The following DOCK10 variants were observed in gnomAD, a reference collection of about 807,000 sequenced individuals.
DOCK10 encodes the protein dedicator of cytokinesis protein 10.
Under a neutral mutation model 280.1 loss-of-function variants are expected in DOCK10, and 145 were observed. The observed-to-expected ratio is 0.52, with a 90% CI of 0.45 to 0.59. The LOEUF (loss-of-function observed/expected upper bound fraction) is 0.59. Among genes scored for constraint, DOCK10 ranks in the 20% least tolerant of loss-of-function variants. The probability of loss-of-function intolerance (pLI) is 0.00; values close to 1 mark genes in which losing one functional copy is unlikely to be tolerated. For missense variants in DOCK10, 2,368 were observed against 2,651.7 expected (o/e 0.89, Z 2.35); for synonymous variants, 915 against 942.2 (o/e 0.97, Z 0.53).
At position 224,796,435 on chromosome 2, in the gene DOCK10, G is replaced by GA. The variant is rs1040348126; in HGVS notation, c.4828-10dup. On this transcript the variant is annotated splice_polypyrimidine_tract_variant and intron_variant, in intron 43 of 55. Transcript: ENST00000258390. ...CTCACAGCTTTGATGAGCTAGAAAA[G>GA]AAAAAAAATGAACTCTCAAAAACAA... is the stretch of plus-strand genomic sequence containing the variant. 3.4e-5 allele frequency: 52 copies of GA among 1,510,272 alleles called. No homozygotes were observed. The highest frequency in any genetic ancestry group is 4.1e-5 in the Non-Finnish European group (46 of 1,114,650). The allele number at this position is 1,510,272 out of a possible 1,614,324, so 93.6% of individuals were successfully genotyped here. A position where few individuals can be genotyped will look rare whatever the true frequency, so the allele number is the denominator to read the frequency against.
intron 19 of DOCK10, among the ~76,000 whole-genome samples, chr2:224,846,179 A>G (rs889977524): frequency 1.3e-5 from 2 of 152,224 alleles, no homozygotes; most frequent in Admixed American, 6.5e-5. Flanking sequence ...TAGAATACTT[A>G]GTGTTTCTCA....
At position 224,795,064 on chromosome 2, in the gene DOCK10, G is replaced by C. The variant is rs1692470587; in HGVS notation, c.4969C>G (p.Leu1657Val). The C allele has an allele frequency of 1.2e-6, 2 of 1,613,908 alleles. No individual in the cohort carries two copies. Among genetic ancestry groups the C allele is most frequent in the Non-Finnish European group, 1.7e-6 (2 of 1,179,856 alleles). Residue 1657 changes from leucine to valine, a missense_variant, in exon 45 of 56, where the codon CTG becomes GTG. Physicochemically the swap from Leu to Val is conservative, Grantham distance 32 (BLOSUM62 1). Coordinates refer to ENST00000258390, the MANE Select transcript of DOCK10 (RefSeq NM_014689.3). ...NSNFPAEVKD[L>V]TKRIRTVLMA... The stretch of plus-strand genomic sequence containing the variant: ...AAAACAGTCCTTATACGCTTAGTCA[G>C]GTCCTTCACCTCTGCTGGGAAATTG...
At chr2:224,868,539 C>T (rs1483540541) in intron 11 of DOCK10, among the ~76,000 whole-genome samples, 2 of 152,142 alleles carry the variant, frequency 1.3e-5, no homozygotes, top group Non-Finnish European at 2.9e-5. Context: ...TTTATTACTA[C>T]ACAGACTCAC....
At chr2:224,877,372 AAGGATTCAAT>A (rs1279212131) in intron 7 of DOCK10, among the ~76,000 whole-genome samples, 6 of 144,742 alleles carry the variant, frequency 4.1e-5, no homozygotes, top group African/African-American at 9.8e-5. Context: ...CGGACACTTG[AAGGATTCAAT>A]AGTGGTGGGT....
chr2:224,885,263 G>A (rs1169182439), intron 7 of DOCK10, among the ~76,000 whole-genome samples: 3 of 152,230 alleles, frequency 2.0e-5, no homozygotes, highest in Admixed American at 2.0e-4. Context: ...GCCTCCCAAA[G>A]TGTTGGGATT....
chr2:224,765,744 T>C lies in DOCK10; in HGVS notation c.6538A>G (p.Ile2180Val), dbSNP rs776398304. 1.9e-6 allele frequency: 3 copies of C among 1,613,638 alleles called. No individual in the cohort carries two copies. The East Asian group carries it at 6.7e-5, about 36-fold the overall frequency. Reference sequence around the variant, plus strand: ...CCTCAGACTTCAGCACTAGATGAGATGGAGACCGTGGGTAGGGCCGGAGTT... The same window carrying C: ...CCTCAGACTTCAGCACTAGATGAGACGGAGACCGTGGGTAGGGCCGGAGTT... ...KATPALPTVS[I>V]SSSAEV Residue 2180 changes from isoleucine (I) to valine (V), a missense_variant, in exon 56 of 56, where the codon ATC becomes GTC. Physicochemically the swap from Ile to Val is conservative, Grantham distance 29. This residue lies in a region of DOCK10 where 1,159 missense variants were observed against 1,400.8 expected (regional missense o/e 0.83). Coordinates refer to ENST00000258390, the MANE Select transcript of DOCK10 (RefSeq NM_014689.3).
In DOCK10 at chr2:224,813,971, G is replaced by A. The variant is rs77263909; in HGVS notation, c.3409+349C>T. 2.8e-4 allele frequency among the ~76,000 whole-genome samples: 42 copies of A among 152,268 alleles called. No homozygotes were observed. The East Asian group carries it at 7.9e-3, about 29-fold the overall frequency. On this transcript the variant is annotated intron_variant, in intron 31 of 55. Coordinates refer to ENST00000258390, the MANE Select transcript of DOCK10 (RefSeq NM_014689.3). The stretch of plus-strand genomic sequence containing the variant: ...TTAACAAGATTGATCAAACCAGGCT[G>A]TGGTTTAGCAAAAGACATACATCAT...
chr2:225,009,514 GA>G (rs1689372712), intron 1 of DOCK10, among the ~76,000 whole-genome samples: 1 of 152,112 alleles, frequency 6.6e-6, no homozygotes, highest in Non-Finnish European at 1.5e-5. Flanking sequence ...TAATCTCCCT[GA>G]GTGTCTCCCT....
chr2:224,872,432 T>C (rs937740446), intron 11 of DOCK10, among the ~76,000 whole-genome samples: 4 of 152,136 alleles, frequency 2.6e-5, no homozygotes, highest in African/African-American at 9.7e-5. Flanking sequence ...AACTTGTGAG[T>C]TGGAGAGCCA....
chr2:224,778,570 C>T (rs559464001), intron 50 of DOCK10, among the ~76,000 whole-genome samples: 28 of 152,238 alleles, frequency 1.8e-4, no homozygotes, highest in Admixed American at 1.8e-3. Context: ...ATGGTACTAC[C>T]TACTTGCATA....
chr2:224,845,711 C>A, intron 19 of DOCK10, 69 bp from the exon 20 acceptor site: 1 of 1,438,674 alleles, frequency 7.0e-7, no homozygotes, highest in South Asian at 1.3e-5. Context: ...CAAGACAAAG[C>A]ATAGCTTTTT....
intron 1 of DOCK10, among the ~76,000 whole-genome samples, chr2:224,973,794 C>G (rs1705236220): frequency 6.6e-6 from 1 of 152,146 alleles, no homozygotes; most frequent in South Asian, 2.1e-4. Context: ...ATTTAAATAG[C>G]TGACCCAGAG....
chr2:224,858,254 C>G (rs1484585286), intron 14 of DOCK10, among the ~76,000 whole-genome samples: 2 of 152,186 alleles, frequency 1.3e-5, no homozygotes, highest in Non-Finnish European at 2.9e-5. Flanking sequence ...ACAACTCTGT[C>G]ATGGAAATTG....
intron 47 of DOCK10, among the ~76,000 whole-genome samples, chr2:224,789,485 T>C (rs1691994758): frequency 6.6e-6 from 1 of 152,224 alleles, no homozygotes; most frequent in Non-Finnish European, 1.5e-5. Flanking sequence ...TGTCCCTCTC[T>C]TGTTAAACTG....
rs537241909 is a variant in DOCK10, at chr2:224,903,064, C to T, written c.334-6687G>A. On this transcript the variant is annotated intron_variant, in intron 3 of 55. Coordinates refer to ENST00000258390, the MANE Select transcript of DOCK10 (RefSeq NM_014689.3). ...AGTGAGCCGAGATTGCGCCACTGCTCTCCAGCCTGGGCGACAGAGCGAGAC... is the reference window on the plus strand; with the variant it reads ...AGTGAGCCGAGATTGCGCCACTGCTTTCCAGCCTGGGCGACAGAGCGAGAC... Among the ~76,000 whole-genome samples, 5 of 152,284 alleles carry T rather than the reference C, an allele frequency of 3.3e-5. No individual in the cohort carries two copies. In the East Asian group the frequency reaches 9.6e-4, roughly 29 times the overall value.
At position 224,979,040 on chromosome 2, in the gene DOCK10, C is replaced by A. The variant is rs537721393; in HGVS notation, c.124-47372G>T. 2.0e-5 allele frequency among the ~76,000 whole-genome samples: 3 copies of A among 152,294 alleles called. No homozygotes were observed. The East Asian group carries it at 5.8e-4, about 29-fold the overall frequency. ...TCCAGAATCTGACTACTTTTCACAG[C>A]CTCAACAACTACCATCCAGGTCTTT... On this transcript the variant is annotated intron_variant, in intron 1 of 55. Transcript: ENST00000258390.
intron 2 of DOCK10, among the ~76,000 whole-genome samples, chr2:224,928,752 T>C (rs1054456942): frequency 6.6e-6 from 1 of 152,224 alleles, no homozygotes; most frequent in African/African-American, 2.4e-5. Flanking sequence ...TGGGCAGAGA[T>C]TAATTGGAAA....
rs1429357479 is a variant in DOCK10, at chr2:224,797,924, C to T, written c.4552G>A (p.Val1518Ile). Residue 1518 changes from valine (V) to isoleucine (I), a missense_variant, in exon 42 of 56, where the codon GTC becomes ATC. By Grantham distance (29) the Val-to-Ile change is conservative. Around this residue, in one of 2 missense-constraint regions of DOCK10, gnomAD observed 1,159 missense variants for 1,400.8 expected, o/e 0.83. Transcript: ENST00000258390. ...AAAAAGAGCATGTAGGTATCAAAGA[C>T]CCTTTTCATCAATGAATTTTGACAG... ...CDCQNSLMKRVFDTYMLFFQV... is the reference protein window; with the variant it reads ...CDCQNSLMKRIFDTYMLFFQV... The T allele has an allele frequency of 6.2e-7, 1 of 1,613,778 alleles. No individual in the cohort carries two copies. Among genetic ancestry groups the T allele is most frequent in the South Asian group, 1.1e-5 (1 of 91,070 alleles).
intron 1 of DOCK10, among the ~76,000 whole-genome samples, chr2:224,967,182 C>G (rs972440651): frequency 4.6e-5 from 7 of 151,900 alleles, no homozygotes; most frequent in Admixed American, 1.3e-4. Flanking sequence ...CGGGTTCACG[C>G]CATTCTTCTG....
Sources: gnomAD v4.1 joint callset for allele counts (sites outside exome capture counted in the v4.1 genomes callset) on GRCh38, gnomAD v4.1.1 for gene constraint, gnomAD v4.1.1 regional missense constraint, MANE v1.5 for transcripts, NCBI Gene and HGNC (gene_info 2026-07-23, HGNC 2026-07-21) for gene names.